Variants in PKP4 observed in about 807,000 individuals in gnomAD.
PKP4 encodes plakophilin-4.
In PKP4, 90 loss-of-function variants were observed where a neutral mutation model predicts 145.1. That is an observed-to-expected ratio of 0.62 (90% CI 0.52 to 0.74). The LOEUF (loss-of-function observed/expected upper bound fraction) is 0.74, where lower values mean the gene tolerates loss of function less well. Among genes scored for constraint, PKP4 ranks in the 30% least tolerant of loss-of-function variants. The probability of loss-of-function intolerance (pLI) is 0.00; values close to 1 mark genes in which losing one functional copy is unlikely to be tolerated. For synonymous variants in PKP4, 563 were observed against 577.2 expected (o/e 0.98, Z 0.35); for missense variants, 1,340 against 1,482.7 (o/e 0.90, Z 1.58).
At chr2:158,619,825 G>A (rs1343571425) in intron 4 of PKP4, among the ~76,000 whole-genome samples, 3 of 152,108 alleles carry the variant, frequency 2.0e-5, no homozygotes, top group African/African-American at 7.2e-5. Flanking sequence ...GGGGAGAAAT[G>A]GTGATAAGCG....
intron 3 of PKP4, among the ~76,000 whole-genome samples, chr2:158,602,648 C>T (rs182560247): frequency 5.0e-4 from 76 of 152,220 alleles, no homozygotes; most frequent in African/African-American, 1.7e-3. Flanking sequence ...CAAAAGTGGC[C>T]TCAGTAATTT....
chr2:158,582,666 C>T (rs2048431651), intron 3 of PKP4, among the ~76,000 whole-genome samples: 1 of 152,204 alleles, frequency 6.6e-6, no homozygotes, highest in African/African-American at 2.4e-5. Flanking sequence ...TCCCCATTAA[C>T]ATACTGCTGT....
rs1218332037 is a variant in PKP4, at chr2:158,663,080, G to A, written c.2395G>A (p.Glu799Lys). Residue 799 changes from glutamate to lysine, a missense_variant, in exon 14 of 22, where the codon GAA (glutamate) becomes AAA (lysine). Transcript: ENST00000389759. ...GAAAAAGAAAAAGAGGACTCCGCAA[G>A]AAGATCAAGTTAGCATTTTATTTTA... Reference protein sequence around the residue: ...KKKKKKRTPQEDQWDGVGPIP... With the variant: ...KKKKKKRTPQKDQWDGVGPIP... The A allele has an allele frequency of 5.0e-6, 8 of 1,604,524 alleles. No homozygotes were observed. Among genetic ancestry groups the A allele is most frequent in the Non-Finnish European group, 6.0e-6 (7 of 1,176,078 alleles).
chr2:158,481,456 G>T lies in PKP4; in HGVS notation c.-6+24238G>T, dbSNP rs1693341652. On this transcript the variant is annotated intron_variant, in intron 1 of 21. Transcript: ENST00000389759. ...GGAAGCTCTATGTTTAACTTTTTGA[G>T]AAACTCCCAAACTGTTTCCAAAGCA... Among the ~76,000 whole-genome samples the T allele has an allele frequency of 2.0e-5, 3 of 152,228 alleles. No individual in the cohort carries two copies. In the South Asian group the frequency reaches 6.2e-4, roughly 32 times the overall value.
rs189050753 is a variant in PKP4 at position 158,563,981 on chromosome 2, G to A, written c.133-13290G>A. On this transcript the variant is annotated intron_variant, in intron 2 of 21. Transcript: ENST00000389759. ...AATTGACAGTTTCCTCAGCAGGTTT[G>A]TCCTGGTACATGCAAATAATACTTC... Among the ~76,000 whole-genome samples the A allele has an allele frequency of 3.9e-5, 6 of 152,250 alleles. No individual in the cohort carries two copies. The East Asian group carries it at 1.2e-3, about 29-fold the overall frequency.
chr2:158,674,199 T>C (rs768816820), intron 19 of PKP4, among the ~76,000 whole-genome samples, 199 bp downstream of exon 19: 1 of 152,214 alleles, frequency 6.6e-6, no homozygotes, highest in Non-Finnish European at 1.5e-5. Flanking sequence ...TATACAATTT[T>C]ACATCAGCAA....
chr2:158,550,143 A>ATTCTATTAAATTCT lies in PKP4; in HGVS notation c.132+16827_132+16828insTTCTATTAAATTCT, dbSNP rs564291706. 6.9e-3 allele frequency among the ~76,000 whole-genome samples: 1,009 copies of ATTCTATTAAATTCT among 146,820 alleles called. 5 individuals are homozygous for ATTCTATTAAATTCT. The highest frequency in any genetic ancestry group is 0.018 in the Middle Eastern group (5 of 282). ...AAAACATTACTTTTCTGCCAAGAAG[A>ATTCTATTAAATTCT]AGTTAAACAATCTATTAATGTGGAA... On this transcript the variant is annotated intron_variant, in intron 2 of 21. Coordinates refer to ENST00000389759, the MANE Select transcript of PKP4 (RefSeq NM_003628.6).
rs561185684 is a variant in PKP4, at chr2:158,625,107, G to C, written c.833G>C (p.Arg278Thr). 1.2e-6 allele frequency: 2 copies of C among 1,614,146 alleles called. No homozygotes were observed. Among genetic ancestry groups the C allele is most frequent in the African/African-American group, 1.3e-5 (1 of 75,038 alleles). Reference protein sequence around the residue: ...AARAASPYSQRPASPTAIRRI... With the variant: ...AARAASPYSQTPASPTAIRRI... ...CGGGCAGCCTCTCCGTACTCACAGAGACCCGCCTCCCCAACAGCTATACGG... is the reference window on the plus strand; with the variant it reads ...CGGGCAGCCTCTCCGTACTCACAGACACCCGCCTCCCCAACAGCTATACGG... Residue 278 changes from arginine to threonine, a missense_variant, in exon 7 of 22, where the codon AGA (arginine) becomes ACA (threonine). Arg to Thr is a moderately conservative substitution (Grantham distance 71). Coordinates refer to ENST00000389759, the MANE Select transcript of PKP4 (RefSeq NM_003628.6).
At chr2:158,522,946 C>G (rs572338157) in intron 1 of PKP4, among the ~76,000 whole-genome samples, 305 of 152,256 alleles carry the variant, frequency 2.0e-3, no homozygotes, top group Non-Finnish European at 3.3e-3. Context: ...GGCGCACCAC[C>G]AGACTATATC....
chr2:158,576,970 T>G (rs1574576015), intron 2 of PKP4, among the ~76,000 whole-genome samples: 2 of 152,218 alleles, frequency 1.3e-5, no homozygotes, highest in East Asian at 1.9e-4. Flanking sequence ...GCCTTAACTT[T>G]AGTAAGGCAC....
chr2:158,680,437 G>C lies in PKP4; in HGVS notation c.3339G>C (p.Gln1113His). 6.3e-7 allele frequency: 1 copy of C among 1,598,828 alleles called. No individual in the cohort carries two copies. The highest frequency in any genetic ancestry group is 8.5e-7 in the Non-Finnish European group (1 of 1,173,066). The change falls in exon 22 of 22, where the codon CAG becomes CAC. Residue 1113 changes from glutamine to histidine, a missense_variant. By Grantham distance (24) the Gln-to-His change is conservative. Transcript: ENST00000389759. ...REQNRRLQHQQLYYSQDDSNR... is the reference protein window; with the variant it reads ...REQNRRLQHQHLYYSQDDSNR... Reference sequence around the variant, plus strand: ...TTTCATTTTGTCAACAGCATCAACAGCTGTATTATAGTCAAGATGACTCCA... The same window carrying C: ...TTTCATTTTGTCAACAGCATCAACACCTGTATTATAGTCAAGATGACTCCA...
rs377432278 is a variant in PKP4 at position 158,642,529 on chromosome 2, A to G, written c.1739A>G (p.Asp580Gly). Residue 580 changes from aspartate to glycine, a missense_variant, in exon 11 of 22, where the codon GAC becomes GGC. Coordinates refer to ENST00000389759, the MANE Select transcript of PKP4 (RefSeq NM_003628.6). ...ATCAAGCATCTGGTTGACCTTCTGG[A>G]CCACAGAGTTTTGGAAGTTCAGAAG... ...GGIKHLVDLL[D>G]HRVLEVQKNA... 5 of 1,613,280 alleles carry G rather than the reference A, an allele frequency of 3.1e-6. No homozygotes were observed. Among genetic ancestry groups the G allele is most frequent in the African/African-American group, 1.3e-5 (1 of 74,918 alleles).
intron 4 of PKP4, among the ~76,000 whole-genome samples, chr2:158,604,819 G>A (rs544035776): frequency 5.9e-4 from 90 of 152,276 alleles, no homozygotes; most frequent in African/African-American, 2.0e-3. Flanking sequence ...CTGTTAAACC[G>A]ATAGGTCCAT....
At chr2:158,661,568 A>G (rs536825097) in intron 13 of PKP4, 118 bp downstream of exon 13, 7 of 688,130 alleles carry the variant, frequency 1.0e-5, no homozygotes, top group African/African-American at 1.8e-5. Flanking sequence ...TCAGGAGGCC[A>G]CTCTCCAGAT....
chr2:158,543,513 G>C (rs76632996), intron 2 of PKP4, among the ~76,000 whole-genome samples: 5,140 of 152,218 alleles, frequency 0.034, 171 homozygotes, highest in East Asian at 0.14. Flanking sequence ...ATGCAGTTGT[G>C]AATGTTCATA....
chr2:158,616,963 T>G (rs2051688664), intron 4 of PKP4, among the ~76,000 whole-genome samples: 1 of 152,190 alleles, frequency 6.6e-6, no homozygotes, highest in South Asian at 2.1e-4. Flanking sequence ...ATAAAAAAGA[T>G]AAAATATCTC....
At chr2:158,659,356 T>G (rs1389222158) in intron 12 of PKP4, 1 of 152,298 alleles carries the variant, frequency 6.6e-6, no homozygotes, top group Non-Finnish European at 1.5e-5. Context: ...GCCAGCCAGC[T>G]AGGCTTCAGG....
At chr2:158,535,997 G>A (rs2044005035) in intron 2 of PKP4, among the ~76,000 whole-genome samples, 1 of 152,104 alleles carries the variant, frequency 6.6e-6, no homozygotes, top group Non-Finnish European at 1.5e-5. Context: ...AATTAACATA[G>A]GTAAAATGCT....
chr2:158,467,051 G>A (rs1573937262), intron 1 of PKP4, among the ~76,000 whole-genome samples: 1 of 152,294 alleles, frequency 6.6e-6, no homozygotes, highest in Non-Finnish European at 1.5e-5. Context: ...TAAGAGTAAT[G>A]AAACAAAATT....
Sources: allele counts gnomAD v4.1 joint callset (sites outside exome capture counted in the v4.1 genomes callset), GRCh38; gene constraint gnomAD v4.1.1; transcripts MANE v1.5; gene names NCBI Gene and HGNC (gene_info 2026-07-23, HGNC 2026-07-21).